The following RAD51B variants were observed in gnomAD, a reference collection of about 807,000 sequenced individuals.
RAD51B encodes RAD51 paralog B, also known as DNA repair protein RAD51 homolog 2.
RAD51B carries 38 observed loss-of-function variants against 42.2 expected under a neutral mutation model. That is an observed-to-expected ratio of 0.90 (90% CI 0.70 to 1.18). RAD51B has a LOEUF of 1.18. RAD51B is among the 50% of genes most tolerant of loss of function. RAD51B has a pLI of 0.00. For missense variants in RAD51B, 373 were observed against 400.7 expected, an observed-to-expected ratio of 0.93 and a Z score of 0.59; for synonymous variants, 154 against 145.2, an observed-to-expected ratio of 1.06 and a Z score of -0.43.
At chr14:68,536,913 C>CAA (rs72240237) in intron 10 of RAD51B, among the ~76,000 whole-genome samples, 1 of 148,908 alleles carries the variant, frequency 6.7e-6, no homozygotes, top group African/African-American at 2.5e-5. Context: ...GCTGTCTCTA[C>CAA]AAAAAAAAAT....
intron 5 of RAD51B, among the ~76,000 whole-genome samples, chr14:67,878,424 A>G (rs887596403): frequency 3.4e-4 from 51 of 152,014 alleles, no homozygotes; most frequent in African/African-American, 1.1e-3. Context: ...ATGGATATTT[A>G]TGTTTATATG....
At chr14:68,476,358 G>A (rs547739429) in intron 10 of RAD51B, among the ~76,000 whole-genome samples, 52 of 152,270 alleles carry the variant, frequency 3.4e-4, no homozygotes, top group African/African-American at 1.1e-3. Flanking sequence ...ATGCTGATTA[G>A]TTCCATCACT....
At chr14:68,057,814 T>A (rs2140433300) in intron 7 of RAD51B, among the ~76,000 whole-genome samples, 1 of 130,522 alleles carries the variant, frequency 7.7e-6, no homozygotes, top group East Asian at 2.2e-4. Context: ...TGTAACCTTT[T>A]AGTTCTTTGT....
intron 7 of RAD51B, among the ~76,000 whole-genome samples, chr14:68,127,400 G>T (rs116033685): frequency 1.3e-5 from 2 of 152,016 alleles, no homozygotes. Flanking sequence ...AAATTCCATG[G>T]GGATAGGACT....
chr14:68,348,327 T>C (rs1203598294), intron 8 of RAD51B, among the ~76,000 whole-genome samples: 1 of 152,224 alleles, frequency 6.6e-6, no homozygotes, highest in Non-Finnish European at 1.5e-5. Flanking sequence ...ATCTATGGTA[T>C]ATTCATGGTC....
downstream of RAD51B, among the ~76,000 whole-genome samples, chr14:68,478,650 G>T (rs1882914137): frequency 1.3e-5 from 2 of 152,218 alleles, no homozygotes; most frequent in South Asian, 2.1e-4. Flanking sequence ...TACCCAGGTT[G>T]TTAGTGACCT....
chr14:68,281,829 G>A (rs977407487), intron 7 of RAD51B, among the ~76,000 whole-genome samples: 2 of 152,228 alleles, frequency 1.3e-5, no homozygotes, highest in South Asian at 2.1e-4. Flanking sequence ...CCTCTCTAGC[G>A]ACTCTTGAGT....
At chr14:68,406,085 C>T (rs1469063504) in intron 8 of RAD51B, among the ~76,000 whole-genome samples, 2 of 152,160 alleles carry the variant, frequency 1.3e-5, no homozygotes, top group African/African-American at 2.4e-5. Flanking sequence ...GTGGAAATAA[C>T]TTTTTAATTA....
chr14:67,946,741 T>A (rs1385172122), intron 7 of RAD51B, among the ~76,000 whole-genome samples: 2 of 148,398 alleles, frequency 1.3e-5, no homozygotes, highest in Admixed American at 6.6e-5. Context: ...TGTGCTTTTT[T>A]AAAACAAACA....
At chr14:68,574,894 G>A (rs923556694) in intron 10 of RAD51B, among the ~76,000 whole-genome samples, 19 of 152,182 alleles carry the variant, frequency 1.2e-4, no homozygotes, top group Non-Finnish European at 1.2e-4. Flanking sequence ...TGAAGTGTGG[G>A]GGGGATTGGG....
chr14:68,165,407 C>T (rs561563360), intron 7 of RAD51B, among the ~76,000 whole-genome samples: 6 of 152,178 alleles, frequency 3.9e-5, no homozygotes, highest in African/African-American at 1.4e-4. Context: ...TAATGGCCAT[C>T]TAGAGGTTAC....
chr14:68,482,087 G>A (rs139920348), downstream of RAD51B, among the ~76,000 whole-genome samples: 933 of 152,010 alleles, frequency 6.1e-3, 9 homozygotes, highest in African/African-American at 0.021. Flanking sequence ...TGAGATTCTA[G>A]TGTGGCATTT....
In RAD51B at chr14:68,275,794, C is replaced by CCACACACACA. The variant is rs10641411; in HGVS notation, c.757-16052_757-16043dup. ...CTAAATACAGTTTGAAACTAGCTCT[C>CCACACACACA]CACACACACACACACACACACACAC... On this transcript the variant is annotated intron_variant, in intron 7 of 10. Coordinates refer to ENST00000471583, the MANE Select transcript of RAD51B (RefSeq NM_133510.4). Among the ~76,000 whole-genome samples, 797 of 141,362 alleles carry CCACACACACA rather than the reference C, an allele frequency of 5.6e-3. 5 individuals are homozygous for CCACACACACA. Among genetic ancestry groups the CCACACACACA allele is most frequent in the South Asian group, 0.011 (45 of 4,234 alleles). 92.7% of individuals were successfully genotyped at this position (141,362 alleles called of 152,430 possible).
At chr14:68,356,258 C>G (rs377003429) in intron 8 of RAD51B, among the ~76,000 whole-genome samples, 6 of 152,000 alleles carry the variant, frequency 3.9e-5, no homozygotes, top group African/African-American at 1.4e-4. Context: ...GGGTGAAACC[C>G]CGTCTCTACT....
At chr14:67,976,022 C>A (rs780773059) in intron 7 of RAD51B, among the ~76,000 whole-genome samples, 9 of 151,164 alleles carry the variant, frequency 6.0e-5, no homozygotes, top group Non-Finnish European at 8.8e-5. Context: ...CACTCAAATT[C>A]TTTATGTTTC....
intron 8 of RAD51B, among the ~76,000 whole-genome samples, chr14:68,299,325 A>G (rs1325822019): frequency 2.6e-5 from 4 of 152,218 alleles, no homozygotes; most frequent in South Asian, 2.1e-4. Flanking sequence ...TTCTGCATCC[A>G]TAGATTCAAC....
At chr14:68,400,662 T>TG (rs2084075598) in intron 8 of RAD51B, among the ~76,000 whole-genome samples, 1 of 151,840 alleles carries the variant, frequency 6.6e-6, no homozygotes, top group South Asian at 2.1e-4. Flanking sequence ...GAACACACTG[T>TG]GGGGGAAAAA....
rs2044165040 is a variant in RAD51B, at chr14:67,916,809, C to G, written c.756+29605C>G. Among the ~76,000 whole-genome samples the G allele has an allele frequency of 2.0e-5, 3 of 152,154 alleles. No individual in the cohort carries two copies. In the South Asian group the frequency reaches 6.2e-4, roughly 32 times the overall value. ...TCAACAAATATTATTAGTCACTCTT[C>G]TATGTGTTGGGGTATTCCAGTGAAT... On this transcript the variant is annotated intron_variant, in intron 7 of 10. Coordinates refer to ENST00000471583, the MANE Select transcript of RAD51B (RefSeq NM_133510.4).
chr14:68,505,811 C>G (rs1885274600), intron 10 of RAD51B, among the ~76,000 whole-genome samples: 1 of 152,170 alleles, frequency 6.6e-6, no homozygotes, highest in African/African-American at 2.4e-5. Flanking sequence ...CCTCGGCCTC[C>G]CAAAGTGTTG....
Sources: allele counts gnomAD v4.1 joint callset (sites outside exome capture counted in the v4.1 genomes callset), GRCh38; gene constraint gnomAD v4.1.1; transcripts MANE v1.5; gene names NCBI Gene and HGNC (gene_info 2026-07-23, HGNC 2026-07-21).